CHN1: variants seen among roughly 807,000 people sequenced by gnomAD.
CHN1 encodes the protein chimerin 1.
A neutral mutation model predicts 59.5 loss-of-function variants in CHN1; 37 were observed. The observed-to-expected ratio is 0.62, with a 90% confidence interval of 0.48 to 0.82. The LOEUF (loss-of-function observed/expected upper bound fraction) is 0.82. Ranked by LOEUF, CHN1 falls within the 40% of genes least tolerant of loss-of-function variation. The probability of loss-of-function intolerance (pLI) is 0.00; values close to 1 mark genes in which losing one functional copy is unlikely to be tolerated. For missense variants in CHN1, 469 were observed against 571.0 expected, an observed-to-expected ratio of 0.82 and a Z score of 1.82; for synonymous variants, 206 against 200.4, an observed-to-expected ratio of 1.03 and a Z score of -0.24.
intron 5 of CHN1, among the ~76,000 whole-genome samples, chr2:174,882,548 G>C (rs2105338128): frequency 6.6e-6 from 1 of 152,232 alleles, no homozygotes; most frequent in Admixed American, 6.5e-5. Flanking sequence ...TCTAATTTGA[G>C]GCCAAAGTGA....
intron 3 of CHN1, chr2:174,920,982 G>T (rs1012243963): frequency 2.3e-6 from 1 of 433,896 alleles, no homozygotes; most frequent in Admixed American, 2.4e-5. Flanking sequence ...TGCAACCTAG[G>T]TCCCTCGCAT....
At chr2:174,840,025 C>T (rs1686234177) in intron 7 of CHN1, among the ~76,000 whole-genome samples, 1 of 152,076 alleles carries the variant, frequency 6.6e-6, no homozygotes, top group African/African-American at 2.4e-5. Context: ...TCACTTCTGA[C>T]TGTCATTCTG....
intron 11 of CHN1, among the ~76,000 whole-genome samples, chr2:174,806,894 A>G (rs555324433): frequency 1.4e-4 from 22 of 152,340 alleles, no homozygotes; most frequent in African/African-American, 4.8e-4. Context: ...AAACATGTAC[A>G]ACAAACGTTT....
intron 1 of CHN1, among the ~76,000 whole-genome samples, chr2:174,958,761 G>GT (rs1184828557): frequency 2.6e-5 from 4 of 152,118 alleles, no homozygotes; most frequent in Admixed American, 1.3e-4. Context: ...ATTAAATTAG[G>GT]TATCATCTAT....
intron 6 of CHN1, among the ~76,000 whole-genome samples, chr2:174,860,857 A>G (rs1015563001): frequency 4.0e-5 from 6 of 151,846 alleles, no homozygotes; most frequent in African/African-American, 1.2e-4. Flanking sequence ...TCCATCCCAG[A>G]TTTCTCGCTC....
intron 3 of CHN1, among the ~76,000 whole-genome samples, chr2:174,920,682 TA>T (rs1040420970): frequency 6.6e-5 from 10 of 152,158 alleles, no homozygotes; most frequent in Admixed American, 2.0e-4. Flanking sequence ...TGTGCTTCAA[TA>T]AAAAATTATG....
chr2:174,828,676 A>G (rs1343848117), intron 7 of CHN1, among the ~76,000 whole-genome samples: 2 of 152,232 alleles, frequency 1.3e-5, no homozygotes, highest in Non-Finnish European at 2.9e-5. Flanking sequence ...AACATTCAAA[A>G]TATAATTAAA....
intron 1 of CHN1, among the ~76,000 whole-genome samples, chr2:174,968,847 C>A (rs1013983773): frequency 2.0e-5 from 3 of 152,202 alleles, no homozygotes; most frequent in Non-Finnish European, 4.4e-5. Flanking sequence ...ACGCATTTGG[C>A]AGCAAAGCCT....
At position 175,005,185 on chromosome 2, in the gene CHN1, C is replaced by A. The variant is rs2105479967; in HGVS notation, c.-273G>T. 2 of 1,253,818 alleles carry A rather than the reference C, an allele frequency of 1.6e-6. No individual in the cohort carries two copies. The highest frequency in any genetic ancestry group is 2.0e-6 in the Non-Finnish European group (2 of 996,518). The allele number at this position is 1,253,818 out of a possible 1,614,324, so 77.7% of individuals were successfully genotyped here. On this transcript the variant is annotated 5_prime_UTR_variant, in exon 1 of 13. Transcript: ENST00000409900. ...CTTGTCGCTGCCATCAGGCGCGGAG[C>A]GTGCGCGCGGGAGGAGGTACCTGCG... is the stretch of plus-strand genomic sequence containing the variant.
chr2:174,980,116 C>T (rs1056310268), intron 1 of CHN1, among the ~76,000 whole-genome samples: 8 of 152,018 alleles, frequency 5.3e-5, no homozygotes, highest in Admixed American at 2.0e-4. Context: ...TTCTTTTTCT[C>T]AAGTCTAAGT....
intron 5 of CHN1, among the ~76,000 whole-genome samples, chr2:174,905,332 T>C (rs966076424): frequency 2.6e-5 from 4 of 152,192 alleles, no homozygotes; most frequent in African/African-American, 7.2e-5. Flanking sequence ...TACAAGTTTC[T>C]ATTAGCCCCA....
chr2:174,903,990 C>T (rs939430916), intron 5 of CHN1, among the ~76,000 whole-genome samples: 3 of 152,098 alleles, frequency 2.0e-5, no homozygotes, highest in South Asian at 2.1e-4. Flanking sequence ...AGGCTGGGCA[C>T]GGTGGCTCAT....
chr2:175,005,091 A>G lies in CHN1; in HGVS notation c.-179T>C. The G allele has an allele frequency of 7.5e-7, 1 of 1,335,532 alleles. No homozygotes were observed. Among genetic ancestry groups the G allele is most frequent in the Non-Finnish European group, 9.6e-7 (1 of 1,042,118 alleles). The allele number at this position is 1,335,532 out of a possible 1,614,324, so 82.7% of individuals were successfully genotyped here. A position where few individuals can be genotyped will look rare whatever the true frequency, so the allele number is the denominator to read the frequency against. On this transcript the variant is annotated 5_prime_UTR_variant, in exon 1 of 13. Transcript: ENST00000409900. ...GGACGCGGGGGACCGCTGCAAGAAA[A>G]AGTTATTCACGCGTTATTGTCGGGC...
intron 11 of CHN1, among the ~76,000 whole-genome samples, chr2:174,803,057 G>C (rs771589564): frequency 6.6e-6 from 1 of 152,040 alleles, no homozygotes; most frequent in Admixed American, 6.6e-5. Context: ...ATTAAAAAAA[G>C]GTGGGTTTCA....
chr2:174,800,741 A>AATGGCT (rs3086408), intron 12 of CHN1, among the ~76,000 whole-genome samples: 79,667 of 151,374 alleles, frequency 0.53, 21,686 homozygotes, highest in African/African-American at 0.64. Flanking sequence ...AGTAATAAGC[A>AATGGCT]ATGGGTAGGC....
At chr2:174,960,124 T>G (rs1007840204) in intron 1 of CHN1, among the ~76,000 whole-genome samples, 1 of 152,210 alleles carries the variant, frequency 6.6e-6, no homozygotes, top group African/African-American at 2.4e-5. Context: ...AATTTCCTGC[T>G]GATTAATAGA....
At chr2:174,959,691 T>C (rs546250457) in intron 1 of CHN1, among the ~76,000 whole-genome samples, 1 of 152,300 alleles carries the variant, frequency 6.6e-6, no homozygotes, top group South Asian at 2.1e-4. Context: ...AAGGAATAAC[T>C]GAAACTGGTG....
At chr2:174,851,390 C>T (rs1244746689) in intron 6 of CHN1, among the ~76,000 whole-genome samples, 1 of 152,160 alleles carries the variant, frequency 6.6e-6, no homozygotes, top group African/African-American at 2.4e-5. Flanking sequence ...ATTGATCCTC[C>T]CACCTCAGCC....
At chr2:174,901,843 A>G (rs1295441382) in intron 5 of CHN1, among the ~76,000 whole-genome samples, 1 of 152,238 alleles carries the variant, frequency 6.6e-6, no homozygotes, top group African/African-American at 2.4e-5. Flanking sequence ...CTACATTTAA[A>G]TAAGTAAATG....
Sources: gnomAD v4.1 joint callset for allele counts (sites outside exome capture counted in the v4.1 genomes callset) on GRCh38, gnomAD v4.1.1 for gene constraint, MANE v1.5 for transcripts, NCBI Gene and HGNC (gene_info 2026-07-23, HGNC 2026-07-21) for gene names.